HLCS: variants seen among roughly 807,000 people sequenced by gnomAD.
HLCS encodes biotin--protein ligase.
In HLCS, 53 loss-of-function variants were observed where a neutral mutation model predicts 75.0. The observed-to-expected ratio is 0.71, with a 90% CI of 0.57 to 0.89. The LOEUF (loss-of-function observed/expected upper bound fraction) is 0.89. Among genes scored for constraint, HLCS ranks in the 40% least tolerant of loss-of-function variants. The pLI, the probability that HLCS is intolerant of heterozygous loss-of-function variation, is 0.00. For missense variants in HLCS, 966 were observed against 1,074.0 expected (o/e 0.90, Z 1.41); for synonymous variants, 431 against 428.6 (o/e 1.01, Z -0.07).
At chr21:36,795,305 C>T (rs1002128723) in intron 6 of HLCS, among the ~76,000 whole-genome samples, 1 of 152,214 alleles carries the variant, frequency 6.6e-6, no homozygotes, top group East Asian at 1.9e-4. Context: ...TGACGGTGCT[C>T]AGCTAGCCAG....
chr21:36,833,039 A>AT (rs113372337), intron 6 of HLCS, among the ~76,000 whole-genome samples: 113 of 144,072 alleles, frequency 7.8e-4, no homozygotes, highest in African/African-American at 1.7e-3. Context: ...ATAGAAGACC[A>AT]TTTTTTTTTT....
intron 5 of HLCS, among the ~76,000 whole-genome samples, chr21:36,925,103 A>G (rs2066343813): frequency 6.6e-6 from 1 of 152,218 alleles, no homozygotes; most frequent in Non-Finnish European, 1.5e-5. Context: ...AAAGTTTCAC[A>G]GTAAAAATTT....
chr21:36,796,648 CA>C (rs1343160559), intron 6 of HLCS, among the ~76,000 whole-genome samples: 1 of 152,146 alleles, frequency 6.6e-6, no homozygotes, highest in Non-Finnish European at 1.5e-5. Context: ...CAGACTCTAC[CA>C]AACATTATCG....
intron 6 of HLCS, among the ~76,000 whole-genome samples, chr21:36,770,749 T>C (rs956671592): frequency 6.6e-6 from 1 of 152,106 alleles, no homozygotes; most frequent in Non-Finnish European, 1.5e-5. Flanking sequence ...AATTTTTGTA[T>C]TTTTTGGTAG....
intron 5 of HLCS, among the ~76,000 whole-genome samples, chr21:36,924,241 T>C (rs894705935): frequency 1.3e-5 from 2 of 152,116 alleles, no homozygotes; most frequent in Non-Finnish European, 2.9e-5. Flanking sequence ...TTTTTTTTAG[T>C]GGAGAATTCT....
At chr21:36,977,723 C>A (rs968144109) in intron 1 of HLCS, among the ~76,000 whole-genome samples, 1 of 152,214 alleles carries the variant, frequency 6.6e-6, no homozygotes, top group Non-Finnish European at 1.5e-5. Context: ...AACTCCCCAA[C>A]AAAATGCACA....
chr21:36,879,950 A>G (rs1187737651), intron 6 of HLCS, among the ~76,000 whole-genome samples: 2 of 151,060 alleles, frequency 1.3e-5, no homozygotes, highest in Non-Finnish European at 2.9e-5. Context: ...TAAATATTTG[A>G]CTGAACAAAT....
intron 5 of HLCS, among the ~76,000 whole-genome samples, chr21:36,901,694 G>A (rs1333660702): frequency 6.6e-6 from 1 of 152,152 alleles, no homozygotes; most frequent in Non-Finnish European, 1.5e-5. Context: ...CTCTTTAAGT[G>A]TCCCGATTCT....
chr21:36,767,631 C>G (rs529085095), intron 6 of HLCS, among the ~76,000 whole-genome samples: 1 of 152,204 alleles, frequency 6.6e-6, no homozygotes, highest in Admixed American at 6.5e-5. Context: ...CCCCCCACCC[C>G]CAATGTATGT....
At chr21:36,865,078 G>A (rs2063509275) in intron 6 of HLCS, among the ~76,000 whole-genome samples, 1 of 151,974 alleles carries the variant, frequency 6.6e-6, no homozygotes, top group Non-Finnish European at 1.5e-5. Context: ...GCAAGATTAT[G>A]GATGGGTGAG....
At chr21:36,852,708 G>C (rs190891024) in intron 6 of HLCS, among the ~76,000 whole-genome samples, 1 of 152,230 alleles carries the variant, frequency 6.6e-6, no homozygotes, top group East Asian at 1.9e-4. Context: ...TCTAAAGCCT[G>C]ATCGTTAAGC....
At chr21:36,929,296 G>A (rs2066533466) in intron 5 of HLCS, among the ~76,000 whole-genome samples, 1 of 152,154 alleles carries the variant, frequency 6.6e-6, no homozygotes, top group Non-Finnish European at 1.5e-5. Context: ...ACTGGCTAAG[G>A]TAGCCAGCCC....
At chr21:36,770,910 G>A (rs1377441330) in intron 6 of HLCS, among the ~76,000 whole-genome samples, 1 of 152,088 alleles carries the variant, frequency 6.6e-6, no homozygotes, top group Non-Finnish European at 1.5e-5. Flanking sequence ...AGACCAAAAG[G>A]TCCGTTTTAA....
At chr21:36,945,565 G>A (rs1273209526) in intron 2 of HLCS, among the ~76,000 whole-genome samples, 5 of 152,132 alleles carry the variant, frequency 3.3e-5, no homozygotes, top group Non-Finnish European at 7.4e-5. Context: ...ACAACTAAAG[G>A]TCCCATATTC....
intron 6 of HLCS, among the ~76,000 whole-genome samples, chr21:36,876,814 T>C (rs947240106): frequency 2.0e-5 from 3 of 152,368 alleles, no homozygotes; most frequent in African/African-American, 7.2e-5. Context: ...TCATGATTTT[T>C]GGTTAGCTGT....
intron 1 of HLCS, among the ~76,000 whole-genome samples, chr21:36,984,855 T>G (rs757211231): frequency 3.3e-5 from 5 of 150,552 alleles, no homozygotes; most frequent in Non-Finnish European, 5.9e-5. Flanking sequence ...ATGTTCCATT[T>G]TATATTTTCT....
chr21:36,870,053 T>C (rs2063717566), intron 6 of HLCS, among the ~76,000 whole-genome samples: 1 of 152,190 alleles, frequency 6.6e-6, no homozygotes, highest in African/African-American at 2.4e-5. Context: ...GCCACGATTT[T>C]AAAATTAATT....
intron 1 of HLCS, among the ~76,000 whole-genome samples, 164 bp downstream of exon 1, chr21:36,966,276 CCTCT>C (rs952773722): frequency 1.3e-5 from 2 of 152,136 alleles, no homozygotes; most frequent in African/African-American, 4.8e-5. Flanking sequence ...GCACCTCCGG[CCTCT>C]CTCTGGGCCC....
intron 6 of HLCS, among the ~76,000 whole-genome samples, chr21:36,850,398 A>T (rs551708758): frequency 6.4e-4 from 98 of 152,300 alleles, no homozygotes; most frequent in African/African-American, 2.3e-3. Flanking sequence ...GCTGTAGGGA[A>T]GGTGAACACT....
Sources: allele counts gnomAD v4.1 joint callset (sites outside exome capture counted in the v4.1 genomes callset), GRCh38; gene constraint gnomAD v4.1.1; transcripts MANE v1.5; gene names NCBI Gene and HGNC (gene_info 2026-07-23, HGNC 2026-07-21).